FIGN: variants seen among roughly 807,000 people sequenced by gnomAD.
The protein encoded by FIGN is fidgetin, microtubule severing factor.
In FIGN, 11 loss-of-function variants were observed where a neutral mutation model predicts 51.3. The ratio of observed to expected loss-of-function variants is 0.21; its 90% confidence interval spans 0.13 to 0.35. The LOEUF (loss-of-function observed/expected upper bound fraction) is 0.35, where lower values mean the gene tolerates loss of function less well. FIGN is among the 10% of genes least tolerant of loss of function. FIGN has a pLI of 1.00. For missense variants in FIGN, 857 were observed against 943.6 expected (o/e 0.91, Z 1.20); for synonymous variants, 407 against 363.2 (o/e 1.12, Z -1.37).
intron 2 of FIGN, among the ~76,000 whole-genome samples, chr2:163,664,602 C>T (rs1050844670): frequency 6.6e-6 from 1 of 152,146 alleles, no homozygotes; most frequent in East Asian, 1.9e-4. Flanking sequence ...TTTTCCTGTT[C>T]TCCTATATTT....
At chr2:163,716,890 T>G (rs1008399191) in intron 2 of FIGN, among the ~76,000 whole-genome samples, 44 of 152,244 alleles carry the variant, frequency 2.9e-4, no homozygotes, top group Admixed American at 2.4e-3. Context: ...ACAGCACCTC[T>G]TCTGCTTACA....
intron 2 of FIGN, among the ~76,000 whole-genome samples, chr2:163,695,361 G>T (rs1248410821): frequency 1.3e-5 from 2 of 152,024 alleles, no homozygotes; most frequent in East Asian, 3.9e-4. Flanking sequence ...ATGCCCATCT[G>T]CATCTCTAGC....
At chr2:163,653,025 A>C (rs938338591) in intron 2 of FIGN, among the ~76,000 whole-genome samples, 15 of 152,148 alleles carry the variant, frequency 9.9e-5, no homozygotes, top group Non-Finnish European at 2.2e-4. Context: ...ATTTGGAGCC[A>C]GACTTCCAGA....
intron 2 of FIGN, among the ~76,000 whole-genome samples, chr2:163,630,422 A>G (rs1389620619): frequency 6.6e-6 from 1 of 152,104 alleles, no homozygotes; most frequent in Non-Finnish European, 1.5e-5. Context: ...ACCTATGTTC[A>G]TGTCCTATTC....
chr2:163,735,193 C>G (rs1011470509), intron 1 of FIGN, 121 bp from the exon 2 acceptor site: 1 of 476,528 alleles, frequency 2.1e-6, no homozygotes, highest in African/African-American at 2.0e-5. Flanking sequence ...CAATTTCACT[C>G]ACTCCCATTG....
chr2:163,632,997 T>A (rs1022244011), intron 2 of FIGN, among the ~76,000 whole-genome samples: 1 of 151,864 alleles, frequency 6.6e-6, no homozygotes, highest in African/African-American at 2.4e-5. Flanking sequence ...TGGAGACCAG[T>A]CTGAGCAACA....
intron 2 of FIGN, among the ~76,000 whole-genome samples, chr2:163,696,481 T>C (rs533367574): frequency 6.6e-6 from 1 of 152,324 alleles, no homozygotes; most frequent in African/African-American, 2.4e-5. Context: ...GAAATATCGC[T>C]GCAAGTATCC....
At chr2:163,617,437 C>T (rs1049905327) in intron 2 of FIGN, among the ~76,000 whole-genome samples, 1 of 152,102 alleles carries the variant, frequency 6.6e-6, no homozygotes, top group Non-Finnish European at 1.5e-5. Flanking sequence ...TTCACAATTT[C>T]ACAGTCTAAA....
Position 163,611,217 on chromosome 2 carries a change from T to C in FIGN, c.615A>G (p.Ala205=), listed in dbSNP as rs1186375452. The change falls in exon 3 of 3, where the codon GCA becomes GCG. Residue 205 remains alanine (A), a synonymous_variant. Coordinates refer to ENST00000333129, the MANE Select transcript of FIGN (RefSeq NM_018086.4). ...HSTYSSQPAP[A]LPSPHPSPLH... is the part of the protein sequence containing the mutation. ...AAGGAGACGGATGAGGTGAAGGAAG[T>C]GCAGGTGCTGGCTGGCTACTATAAG... is the stretch of plus-strand genomic sequence containing the variant. The C allele has an allele frequency of 1.2e-6, 2 of 1,614,102 alleles. No individual in the cohort carries two copies. Among genetic ancestry groups the C allele is most frequent in the Middle Eastern group, 3.3e-4 (2 of 6,062 alleles).
intron 2 of FIGN, among the ~76,000 whole-genome samples, chr2:163,641,841 G>A (rs745817107): frequency 6.6e-6 from 1 of 152,180 alleles, no homozygotes; most frequent in Non-Finnish European, 1.5e-5. Flanking sequence ...AAATAGGGAT[G>A]AGCTTAAAAT....
chr2:163,654,813 A>G (rs1683533925), intron 2 of FIGN, among the ~76,000 whole-genome samples: 2 of 152,204 alleles, frequency 1.3e-5, no homozygotes, highest in Admixed American at 6.5e-5. Context: ...TGTATACCAT[A>G]AATATATACA....
At chr2:163,639,302 T>C (rs1253585217) in intron 2 of FIGN, among the ~76,000 whole-genome samples, 1 of 152,142 alleles carries the variant, frequency 6.6e-6, no homozygotes, top group African/African-American at 2.4e-5. Context: ...TTTAATCCTT[T>C]CAATGTTACC....
intron 2 of FIGN, among the ~76,000 whole-genome samples, chr2:163,641,911 C>G (rs1418304243): frequency 6.6e-6 from 1 of 152,162 alleles, no homozygotes; most frequent in Non-Finnish European, 1.5e-5. Context: ...AATCTACGCT[C>G]TTTAGACCAC....
chr2:163,628,210 C>T (rs576779159), intron 2 of FIGN, among the ~76,000 whole-genome samples: 1 of 151,248 alleles, frequency 6.6e-6, no homozygotes, highest in African/African-American at 2.4e-5. Flanking sequence ...AAATTTAGCA[C>T]AAAAAACCCA....
At chr2:163,689,670 T>C in intron 2 of FIGN, among the ~76,000 whole-genome samples, 1 of 152,142 alleles carries the variant, frequency 6.6e-6, no homozygotes. Context: ...TTAGAAGCAA[T>C]TTCCATTTTG....
At chr2:163,692,381 A>G (rs980190365) in intron 2 of FIGN, among the ~76,000 whole-genome samples, 1 of 152,192 alleles carries the variant, frequency 6.6e-6, no homozygotes, top group African/African-American at 2.4e-5. Context: ...TCAACAATAT[A>G]TAACAATATG....
intron 2 of FIGN, among the ~76,000 whole-genome samples, chr2:163,685,043 C>A (rs1684124971): frequency 6.6e-6 from 1 of 151,780 alleles, no homozygotes; most frequent in African/African-American, 2.4e-5. Context: ...CTTCAGCCTC[C>A]CAAAGTGCTG....
chr2:163,632,836 T>A (rs898872612), intron 2 of FIGN, among the ~76,000 whole-genome samples: 1 of 152,140 alleles, frequency 6.6e-6, no homozygotes, highest in Non-Finnish European at 1.5e-5. Flanking sequence ...AATTTATGAT[T>A]AAAAGATTTA....
At chr2:163,698,507 C>A (rs868625421) in intron 2 of FIGN, among the ~76,000 whole-genome samples, 1 of 152,086 alleles carries the variant, frequency 6.6e-6, no homozygotes, top group Non-Finnish European at 1.5e-5. Flanking sequence ...AGATTCCCCC[C>A]ACCCTACAAA....
Sources: allele counts gnomAD v4.1 joint callset (sites outside exome capture counted in the v4.1 genomes callset), GRCh38; gene constraint gnomAD v4.1.1; transcripts MANE v1.5; gene names NCBI Gene and HGNC (gene_info 2026-07-23, HGNC 2026-07-21).